TRAF3IP3: variants seen among roughly 807,000 people sequenced by gnomAD.
TRAF3IP3 encodes TRAF3-interacting JNK-activating modulator.
Under a neutral mutation model 86.5 loss-of-function variants are expected in TRAF3IP3, and 64 were observed. The observed-to-expected ratio is 0.74, with a 90% CI of 0.60 to 0.91. The LOEUF (loss-of-function observed/expected upper bound fraction) is 0.91, where lower values mean the gene tolerates loss of function less well. Ranked by LOEUF, TRAF3IP3 falls within the 40% of genes least tolerant of loss-of-function variation. The probability of loss-of-function intolerance (pLI) is 0.00; values close to 1 mark genes in which losing one functional copy is unlikely to be tolerated. For synonymous variants in TRAF3IP3, 220 were observed against 243.9 expected (o/e 0.90, Z 0.91); for missense variants, 579 against 642.9 (o/e 0.90, Z 1.07).
rs944476022 is a variant in TRAF3IP3, at chr1:209,763,421, T to C, written c.606+29T>C. On this transcript the variant is annotated intron_variant, in intron 7 of 16. Coordinates refer to ENST00000367025, the MANE Select transcript of TRAF3IP3 (RefSeq NM_025228.4). ...AGTGGCATGTGACCCCTCCCCTCAGTTCCTCCATCCACTTACCCCCGATCC... is the reference window on the plus strand; with the variant it reads ...AGTGGCATGTGACCCCTCCCCTCAGCTCCTCCATCCACTTACCCCCGATCC... The C allele has an allele frequency of 1.9e-6, 3 of 1,613,576 alleles. No individual in the cohort carries two copies. In the African/African-American group the frequency reaches 4.0e-5, roughly 22 times the overall value.
intron 14 of TRAF3IP3, 62 bp downstream of exon 14, chr1:209,779,436 G>A: frequency 6.8e-7 from 1 of 1,462,956 alleles, no homozygotes; most frequent in Non-Finnish European, 9.6e-7. Context: ...CCTAGAGGCA[G>A]CGGGATGGAC....
chr1:209,775,178 C>A, intron 9 of TRAF3IP3, 171 bp from the exon 10 acceptor site: 1 of 653,262 alleles, frequency 1.5e-6, no homozygotes, highest in Non-Finnish European at 2.7e-6. Context: ...ACTCATCTCT[C>A]ATTGCCTGAG....
chr1:209,781,560 C>CGTGGTTGTTGG (rs2077781018), intron 16 of TRAF3IP3, 102 bp downstream of exon 16: 3 of 774,450 alleles, frequency 3.9e-6, no homozygotes, highest in Non-Finnish European at 4.4e-6. Flanking sequence ...CAACAACTGG[C>CGTGGTTGTTGG]CATCCTGTCC....
At chr1:209,766,948 T>A (rs1362318843) in intron 8 of TRAF3IP3, among the ~76,000 whole-genome samples, 1 of 152,032 alleles carries the variant, frequency 6.6e-6, no homozygotes, top group Non-Finnish European at 1.5e-5. Context: ...GCAAGAGTGA[T>A]GATGAGGGAA....
intron 8 of TRAF3IP3, among the ~76,000 whole-genome samples, chr1:209,766,072 C>A (rs2077350621): frequency 6.6e-6 from 1 of 152,202 alleles, no homozygotes; most frequent in South Asian, 2.1e-4. Flanking sequence ...CTCACCCTAC[C>A]TTGAAGATGG....
intron 6 of TRAF3IP3, 121 bp from the exon 7 acceptor site, chr1:209,763,242 C>A: frequency 7.2e-7 from 1 of 1,398,226 alleles, no homozygotes; most frequent in Non-Finnish European, 1.0e-6. Context: ...ACTAAAGGGA[C>A]CCTGTCAGAG....
chr1:209,772,262 G>A (rs1209508999), intron 8 of TRAF3IP3, among the ~76,000 whole-genome samples: 1 of 152,110 alleles, frequency 6.6e-6, no homozygotes, highest in African/African-American at 2.4e-5. Context: ...TCTCTTCCTG[G>A]CTTACAGATT....
intron 1 of TRAF3IP3, among the ~76,000 whole-genome samples, chr1:209,757,091 C>T (rs2077166979): frequency 1.3e-5 from 2 of 152,200 alleles, no homozygotes; most frequent in South Asian, 4.1e-4. Flanking sequence ...TCCCAGAAAC[C>T]TGGGTAGGGT....
chr1:209,771,291 G>A (rs1241363952), intron 8 of TRAF3IP3, among the ~76,000 whole-genome samples: 3 of 146,942 alleles, frequency 2.0e-5, no homozygotes, highest in Non-Finnish European at 3.0e-5. Flanking sequence ...GCATGTGAAG[G>A]TGTGCGTGTG....
chr1:209,756,395 C>T (rs980075029), intron 1 of TRAF3IP3, 86 bp downstream of exon 1: 1 of 152,218 alleles, frequency 6.6e-6, no homozygotes, highest in Non-Finnish European at 1.5e-5. Context: ...CATCCCAGCT[C>T]CCCTGGGTGG....
chr1:209,767,839 T>C (rs2077387101), intron 8 of TRAF3IP3, among the ~76,000 whole-genome samples: 1 of 151,980 alleles, frequency 6.6e-6, no homozygotes, highest in Non-Finnish European at 1.5e-5. Flanking sequence ...AGGGGGGATA[T>C]ATTAAGAGAC....
Position 209,772,930 on chromosome 1 carries a change from T to C in TRAF3IP3, c.703-18T>C, listed in dbSNP as rs1401461439. 6.2e-6 allele frequency: 10 copies of C among 1,612,466 alleles called. No homozygotes were observed. The highest frequency in any genetic ancestry group is 1.6e-4 in the Middle Eastern group (1 of 6,074). ...TAGATTTTGCCCCAAGCTCATTAAC[T>C]CATCCCATTTGCTCCAGGGACAGCT... On this transcript the variant is annotated intron_variant, in intron 8 of 16. Transcript: ENST00000367025.
chr1:209,778,395 A>G (rs956334137), intron 13 of TRAF3IP3: 7 of 477,214 alleles, frequency 1.5e-5, no homozygotes, highest in African/African-American at 6.0e-5. Context: ...TTCCATGCCA[A>G]TGACACCACT....
At chr1:209,773,348 A>G (rs760808035) in intron 9 of TRAF3IP3, among the ~76,000 whole-genome samples, 4 of 152,240 alleles carry the variant, frequency 2.6e-5, no homozygotes, top group Non-Finnish European at 5.9e-5. Flanking sequence ...CACATCACCC[A>G]GACAGCCCTT....
At chr1:209,767,147 C>A (rs1255396073) in intron 8 of TRAF3IP3, among the ~76,000 whole-genome samples, 1 of 152,126 alleles carries the variant, frequency 6.6e-6, no homozygotes, top group African/African-American at 2.4e-5. Flanking sequence ...CAAGGTATCT[C>A]AAACTTGAAT....
intron 8 of TRAF3IP3, among the ~76,000 whole-genome samples, chr1:209,766,693 G>A (rs913065473): frequency 3.9e-5 from 6 of 152,084 alleles, no homozygotes; most frequent in African/African-American, 1.4e-4. Context: ...GCGAAAACCC[G>A]TCTCTACTAA....
At chr1:209,757,425 G>A (rs2077173623) in intron 1 of TRAF3IP3, among the ~76,000 whole-genome samples, 2 of 151,930 alleles carry the variant, frequency 1.3e-5, no homozygotes, top group Non-Finnish European at 2.9e-5. Flanking sequence ...CAAACAGGGA[G>A]GGGACCTCAC....
rs371646505 is a variant in TRAF3IP3, at chr1:209,770,643, G to A, written c.703-2305G>A. 5.4e-5 allele frequency among the ~76,000 whole-genome samples: 8 copies of A among 147,202 alleles called. No homozygotes were observed. In the East Asian group the frequency reaches 1.5e-3, roughly 27 times the overall value. ...CTGGAAGTTGTGTGCAGGTGGAGGTGCACATGTGCATGTGAAGGTGTGTGT... is the reference window on the plus strand; with the variant it reads ...CTGGAAGTTGTGTGCAGGTGGAGGTACACATGTGCATGTGAAGGTGTGTGT... On this transcript the variant is annotated intron_variant, in intron 8 of 16. Coordinates refer to ENST00000367025, the MANE Select transcript of TRAF3IP3 (RefSeq NM_025228.4).
Position 209,779,378 on chromosome 1 carries a change from A to C in TRAF3IP3, c.1312+4A>C. The C allele has an allele frequency of 6.2e-7, 1 of 1,613,154 alleles. No individual in the cohort carries two copies. The highest frequency in any genetic ancestry group is 8.5e-7 in the Non-Finnish European group (1 of 1,179,018). On this transcript the variant is annotated splice_donor_region_variant and intron_variant, in intron 14 of 16. Transcript: ENST00000367025. Reference sequence around the variant, plus strand: ...GAGAAACTCTTAACAAAGAAAGGTCAGCAAATTTATTACCACAAATTCTAA... The same window carrying C: ...GAGAAACTCTTAACAAAGAAAGGTCCGCAAATTTATTACCACAAATTCTAA...
Sources: allele counts gnomAD v4.1 joint callset (sites outside exome capture counted in the v4.1 genomes callset), GRCh38; gene constraint gnomAD v4.1.1; transcripts MANE v1.5; gene names NCBI Gene and HGNC (gene_info 2026-07-23, HGNC 2026-07-21).